The following DNM2 variants were observed in gnomAD, a reference collection of about 807,000 sequenced individuals.
The protein encoded by DNM2 is dynamin 2.
Under a neutral mutation model 99.0 loss-of-function variants are expected in DNM2, and 15 were observed. The observed-to-expected ratio is 0.15, with a 90% CI of 0.10 to 0.23. DNM2 has a LOEUF of 0.23. Ranked by LOEUF, DNM2 falls within the 10% of genes least tolerant of loss-of-function variation. The probability of loss-of-function intolerance (pLI) is 1.00; values close to 1 mark genes in which losing one functional copy is unlikely to be tolerated. For synonymous variants in DNM2, 525 were observed against 481.2 expected (o/e 1.09, Z -1.19); for missense variants, 742 against 1,189.4 (o/e 0.62, Z 5.53).
chr19:10,773,517 C>G (rs929705669), intron 3 of DNM2, among the ~76,000 whole-genome samples: 1 of 151,250 alleles, frequency 6.6e-6, no homozygotes, highest in Non-Finnish European at 1.5e-5. Flanking sequence ...GGCGCAATCT[C>G]CACTCAATGC....
chr19:10,804,213 C>A (rs976437424), intron 12 of DNM2, among the ~76,000 whole-genome samples: 1 of 152,054 alleles, frequency 6.6e-6, no homozygotes, highest in Non-Finnish European at 1.5e-5. Flanking sequence ...TTTGAGGGAG[C>A]CCTGGCAAGG....
At position 10,736,221 on chromosome 19, in the gene DNM2, C is replaced by T. The variant is rs549454007; in HGVS notation, c.161+17818C>T. Among the ~76,000 whole-genome samples, 22 of 149,436 alleles carry T rather than the reference C, an allele frequency of 1.5e-4. 1 individual carries two copies. The highest frequency in any genetic ancestry group is 3.4e-3 in the Middle Eastern group (1 of 292). On this transcript the variant is annotated intron_variant, in intron 1 of 20. Transcript: ENST00000389253. ...TGGAGGTTGCAGTGAGCCAAGATCG[C>T]GCTATTGCACTCCAGCCTGGGCAAC...
intron 1 of DNM2, among the ~76,000 whole-genome samples, chr19:10,741,532 A>G (rs947041489): frequency 3.3e-5 from 5 of 150,472 alleles, no homozygotes; most frequent in Admixed American, 6.6e-5. Context: ...CTCAGCCCCA[A>G]ATTGGCCAAT....
chr19:10,822,431 TC>T (rs1169983589), intron 16 of DNM2, among the ~76,000 whole-genome samples: 3 of 151,980 alleles, frequency 2.0e-5, no homozygotes, highest in Non-Finnish European at 4.4e-5. Context: ...GCTCAAGCAA[TC>T]CCCCTGTCTC....
chr19:10,771,044 C>G (rs1376246035), intron 2 of DNM2, among the ~76,000 whole-genome samples: 1 of 152,212 alleles, frequency 6.6e-6, no homozygotes, highest in South Asian at 2.1e-4. Context: ...CCACCCTCCT[C>G]GGCGTCCCAC....
At position 10,784,819 on chromosome 19, in the gene DNM2, A is replaced by ATTTTT. The variant is rs35575438; in HGVS notation, c.849+1717_849+1721dup. 3.4e-3 allele frequency among the ~76,000 whole-genome samples: 335 copies of ATTTTT among 99,420 alleles called. 8 individuals are homozygous for ATTTTT. The highest frequency in any genetic ancestry group is 8.6e-3 in the Middle Eastern group (1 of 116). The allele number at this position is 99,420 out of a possible 152,430, so 65.2% of individuals were successfully genotyped here. Reference sequence around the variant, plus strand: ...GTATTTATTTTTTATTTTTTTGATGATTTTTTTTTTTTTTTTTTTTTTGAG... The same window carrying ATTTTT: ...GTATTTATTTTTTATTTTTTTGATGATTTTTTTTTTTTTTTTTTTTTTTTTTTGAG... On this transcript the variant is annotated intron_variant, in intron 6 of 20. Coordinates refer to ENST00000389253, the MANE Select transcript of DNM2 (RefSeq NM_001005361.3).
chr19:10,743,932 G>A (rs910990580), intron 1 of DNM2, among the ~76,000 whole-genome samples: 1 of 150,972 alleles, frequency 6.6e-6, no homozygotes, highest in African/African-American at 2.4e-5. Context: ...GTTGCAGTGA[G>A]CCAAGATCAC....
At chr19:10,819,940 C>T (rs374832401) in intron 15 of DNM2, 40 bp from the exon 16 acceptor site, 19 of 1,596,974 alleles carry the variant, frequency 1.2e-5, no homozygotes, top group African/African-American at 2.7e-5. Context: ...TGAGTTGTCA[C>T]GTGGACCGCT....
chr19:10,793,929 C>T, intron 8 of DNM2, 74 bp downstream of exon 8: 3 of 1,611,468 alleles, frequency 1.9e-6, no homozygotes, highest in Non-Finnish European at 2.5e-6. Context: ...CAGGCCTCCT[C>T]CCAGGCAATA....
In DNM2 at chr19:10,813,267, C is replaced by G. The variant is rs147562530; in HGVS notation, c.1671+890C>G. 1.7e-3 allele frequency among the ~76,000 whole-genome samples: 263 copies of G among 152,288 alleles called. 2 individuals are homozygous for G. The highest frequency in any genetic ancestry group is 6.0e-3 in the African/African-American group (249 of 41,554). Reference sequence around the variant, plus strand: ...TGAGTGCTGAGTCATGGGAGGGACTCGTTCACTGCGAGTGAGGGGGCAGGC... The same window carrying G: ...TGAGTGCTGAGTCATGGGAGGGACTGGTTCACTGCGAGTGAGGGGGCAGGC... On this transcript the variant is annotated intron_variant, in intron 15 of 20. Coordinates refer to ENST00000389253, the MANE Select transcript of DNM2 (RefSeq NM_001005361.3).
intron 11 of DNM2, 59 bp from the exon 12 acceptor site, chr19:10,802,229 C>T (rs999082420): frequency 3.4e-5 from 54 of 1,583,010 alleles, no homozygotes; most frequent in African/African-American, 1.3e-4. Context: ...ATGCTCTTGC[C>T]GCTGCCCCCC....
At chr19:10,729,327 C>T (rs1306717488) in intron 1 of DNM2, among the ~76,000 whole-genome samples, 2 of 152,010 alleles carry the variant, frequency 1.3e-5, no homozygotes, top group Non-Finnish European at 2.9e-5. Flanking sequence ...CACGGCCCTC[C>T]AGCCTGGGCA....
At chr19:10,748,473 C>T (rs1181112485) in intron 1 of DNM2, among the ~76,000 whole-genome samples, 1 of 152,152 alleles carries the variant, frequency 6.6e-6, no homozygotes, top group Non-Finnish European at 1.5e-5. Flanking sequence ...CCTGCGGACA[C>T]TGTGTGGGCC....
At chr19:10,827,742 G>A (rs1256943143) in intron 18 of DNM2, among the ~76,000 whole-genome samples, 5 of 151,794 alleles carry the variant, frequency 3.3e-5, no homozygotes, top group Admixed American at 6.6e-5. Context: ...GGTGGCACGC[G>A]TCTGTAGTCC....
intron 2 of DNM2, among the ~76,000 whole-genome samples, chr19:10,766,123 A>C (rs1046419808): frequency 1.3e-5 from 2 of 152,082 alleles, no homozygotes; most frequent in African/African-American, 4.8e-5. Flanking sequence ...GGCACCCCGA[A>C]AACTCTCCTC....
chr19:10,798,463 G>A (rs765698901), intron 10 of DNM2, 23 bp from the exon 11 acceptor site: 40 of 1,613,390 alleles, frequency 2.5e-5, no homozygotes, highest in African/African-American at 1.9e-4. Context: ...CCGCCAATGC[G>A]ACCACTCTGC....
intron 1 of DNM2, among the ~76,000 whole-genome samples, chr19:10,754,651 G>A (rs915201336): frequency 6.6e-6 from 1 of 151,706 alleles, no homozygotes; most frequent in Admixed American, 6.6e-5. Flanking sequence ...GTGCAACGGC[G>A]CAATCATGGC....
rs369402403 is a variant in DNM2, at chr19:10,731,354, C to CTTT, written c.161+12966_161+12968dup. Among the ~76,000 whole-genome samples, 367 of 139,592 alleles carry CTTT rather than the reference C, an allele frequency of 2.6e-3. 6 individuals carry two copies. Among genetic ancestry groups the CTTT allele is most frequent in the African/African-American group, 8.8e-3 (334 of 37,762 alleles). 91.6% of individuals were successfully genotyped at this position (139,592 alleles called of 152,430 possible). A position where few individuals can be genotyped will look rare whatever the true frequency, so the allele number is the denominator to read the frequency against. ...TCCAGGTTGTTCTTTTCTTTTCCTT[C>CTTT]TTTTTTTTTTTTTTTTTGAGGCAGA... On this transcript the variant is annotated intron_variant, in intron 1 of 20. Coordinates refer to ENST00000389253, the MANE Select transcript of DNM2 (RefSeq NM_001005361.3).
intron 15 of DNM2, among the ~76,000 whole-genome samples, chr19:10,813,083 G>C (rs2072608621): frequency 6.6e-6 from 1 of 152,236 alleles, no homozygotes; most frequent in Non-Finnish European, 1.5e-5. Context: ...CAGGCCCCTT[G>C]CCTCTCTGGG....
Sources: allele counts gnomAD v4.1 joint callset (sites outside exome capture counted in the v4.1 genomes callset), GRCh38; gene constraint gnomAD v4.1.1; transcripts MANE v1.5; gene names NCBI Gene and HGNC (gene_info 2026-07-23, HGNC 2026-07-21).